The following ROBO1 variants were observed in gnomAD, a reference collection of about 807,000 sequenced individuals.
ROBO1 encodes roundabout homolog 1.
Under a neutral mutation model 195.9 loss-of-function variants are expected in ROBO1, and 149 were observed. That is an observed-to-expected ratio of 0.76 (90% CI 0.67 to 0.87). The LOEUF is 0.87. Among genes scored for constraint, ROBO1 ranks in the 40% least tolerant of loss-of-function variants. ROBO1 has a pLI of 0.00. For synonymous variants in ROBO1, 816 were observed against 733.2 expected, an observed-to-expected ratio of 1.11 and a Z score of -1.82; for missense variants, 1,933 against 2,068.3, an observed-to-expected ratio of 0.93 and a Z score of 1.27.
intron 2 of ROBO1, among the ~76,000 whole-genome samples, chr3:79,243,079 T>C (rs1446870186): frequency 2.7e-5 from 4 of 148,036 alleles, no homozygotes; most frequent in African/African-American, 5.0e-5. Context: ...TGAGAACATG[T>C]GGTGTTTGGT....
At chr3:79,273,862 A>G (rs181378061) in intron 2 of ROBO1, among the ~76,000 whole-genome samples, 150 of 152,146 alleles carry the variant, frequency 9.9e-4, no homozygotes, top group Non-Finnish European at 1.5e-3. Context: ...AAACAGATTT[A>G]AAAAACTATA....
intron 1 of ROBO1, among the ~76,000 whole-genome samples, chr3:79,707,895 T>A (rs904987159): frequency 6.6e-6 from 1 of 152,064 alleles, no homozygotes; most frequent in Non-Finnish European, 1.5e-5. Flanking sequence ...TTGGAAAAAA[T>A]ATAAATAACT....
chr3:79,604,428 G>C (rs766124136), intron 1 of ROBO1, among the ~76,000 whole-genome samples: 2 of 151,944 alleles, frequency 1.3e-5, no homozygotes, highest in African/African-American at 4.8e-5. Flanking sequence ...AACATAAAAT[G>C]GTGAATTTTA....
At chr3:79,062,402 A>G (rs1232460103) in intron 3 of ROBO1, among the ~76,000 whole-genome samples, 1 of 152,128 alleles carries the variant, frequency 6.6e-6, no homozygotes, top group African/African-American at 2.4e-5. Flanking sequence ...CTTTGGTGGG[A>G]GTGTAAATTA....
intron 4 of ROBO1, among the ~76,000 whole-genome samples, chr3:78,906,532 C>A (rs1162618961): frequency 6.6e-6 from 1 of 152,094 alleles, no homozygotes; most frequent in Non-Finnish European, 1.5e-5. Flanking sequence ...GGTTTAGACT[C>A]ATTTTTCTTA....
At chr3:79,277,177 T>G (rs1163681439) in intron 2 of ROBO1, among the ~76,000 whole-genome samples, 2 of 152,110 alleles carry the variant, frequency 1.3e-5, no homozygotes, top group African/African-American at 4.8e-5. Context: ...CCAATGTGTA[T>G]TGTAGCACTA....
At chr3:79,570,928 C>T (rs1943257094) in intron 2 of ROBO1, among the ~76,000 whole-genome samples, 1 of 152,060 alleles carries the variant, frequency 6.6e-6, no homozygotes, top group Admixed American at 6.6e-5. Context: ...TTTGAGTGAT[C>T]ATGTTAGCAA....
chr3:78,712,329 C>T (rs550442777), intron 8 of ROBO1, among the ~76,000 whole-genome samples: 1 of 152,262 alleles, frequency 6.6e-6, no homozygotes, highest in African/African-American at 2.4e-5. Flanking sequence ...TACAATTACA[C>T]TACTGAATTT....
intron 2 of ROBO1, among the ~76,000 whole-genome samples, chr3:79,330,442 T>C (rs2109168993): frequency 6.6e-6 from 1 of 151,444 alleles, no homozygotes; most frequent in South Asian, 2.1e-4. Flanking sequence ...ATGGTTTTTA[T>C]ATTTACAAAT....
At chr3:79,585,142 C>T (rs1301919972) in intron 2 of ROBO1, among the ~76,000 whole-genome samples, 1 of 150,330 alleles carries the variant, frequency 6.7e-6, no homozygotes, top group Non-Finnish European at 1.5e-5. Context: ...AAAAGGGGCC[C>T]ATAAAGGCAA....
chr3:79,023,690 GAC>G (rs2108281591), intron 3 of ROBO1, among the ~76,000 whole-genome samples: 1 of 111,000 alleles, frequency 9.0e-6, no homozygotes, highest in East Asian at 2.8e-4. Context: ...TTTTTTTTGA[GAC>G]AGAGTTTTTT....
chr3:79,723,357 G>C (rs558087044), intron 1 of ROBO1, among the ~76,000 whole-genome samples: 116 of 152,232 alleles, frequency 7.6e-4, no homozygotes, highest in African/African-American at 2.6e-3. Flanking sequence ...GTGAGTTGAT[G>C]TTCCCTCCAG....
intron 2 of ROBO1, among the ~76,000 whole-genome samples, chr3:79,551,717 C>T (rs189980650): frequency 6.3e-4 from 96 of 151,788 alleles, no homozygotes; most frequent in African/African-American, 2.2e-3. Flanking sequence ...TGTGATATCC[C>T]TGGGGTGGTA....
intron 3 of ROBO1, among the ~76,000 whole-genome samples, chr3:79,046,423 C>T (rs750843128): frequency 4.6e-5 from 7 of 151,776 alleles, no homozygotes; most frequent in Non-Finnish European, 5.9e-5. Context: ...ACCCAGATTT[C>T]GAAGTGATAG....
intron 1 of ROBO1, among the ~76,000 whole-genome samples, chr3:79,715,845 C>T (rs530249474): frequency 6.6e-6 from 1 of 152,026 alleles, no homozygotes; most frequent in South Asian, 2.1e-4. Flanking sequence ...AATAGAAGAA[C>T]CAAAATATAT....
At chr3:78,771,279 T>C (rs2083368763) in intron 4 of ROBO1, among the ~76,000 whole-genome samples, 1 of 152,208 alleles carries the variant, frequency 6.6e-6, no homozygotes, top group South Asian at 2.1e-4. Context: ...ACCAGTACCA[T>C]GCTGCTTTGG....
chr3:79,551,033 A>G (rs942095050), intron 2 of ROBO1, among the ~76,000 whole-genome samples: 1 of 152,120 alleles, frequency 6.6e-6, no homozygotes, highest in African/African-American at 2.4e-5. Context: ...TGCCCTTCCA[A>G]CATGGTATCA....
At position 78,651,940 on chromosome 3, in the gene ROBO1, A is replaced by G. The variant is rs1405134893; in HGVS notation, c.2615-11T>C. On this transcript the variant is annotated splice_polypyrimidine_tract_variant and intron_variant, in intron 18 of 30. Transcript: ENST00000464233. ...GGTTTCCATGGGCATCTGAAAAGTCATCTTCCGATTAATTTGGGTTGAAGA... is the reference window on the plus strand; with the variant it reads ...GGTTTCCATGGGCATCTGAAAAGTCGTCTTCCGATTAATTTGGGTTGAAGA... 2 of 1,609,180 alleles carry G rather than the reference A, an allele frequency of 1.2e-6. No homozygotes were observed. The highest frequency in any genetic ancestry group is 8.5e-7 in the Non-Finnish European group (1 of 1,177,232).
chr3:79,248,594 A>G (rs995957481), intron 2 of ROBO1, among the ~76,000 whole-genome samples: 1 of 152,204 alleles, frequency 6.6e-6, no homozygotes, highest in African/African-American at 2.4e-5. Context: ...GTGATTCAAT[A>G]TAAACATAAT....
Sources: gnomAD v4.1 joint callset for allele counts (sites outside exome capture counted in the v4.1 genomes callset) on GRCh38, gnomAD v4.1.1 for gene constraint, MANE v1.5 for transcripts, NCBI Gene and HGNC (gene_info 2026-07-23, HGNC 2026-07-21) for gene names.